SGMS2: variants seen among roughly 807,000 people sequenced by gnomAD.
SGMS2 encodes the protein sphingomyelin synthase 2.
In SGMS2, 21 loss-of-function variants were observed where a neutral mutation model predicts 43.8. The observed-to-expected ratio is 0.48, with a 90% CI of 0.34 to 0.69. The LOEUF is 0.69. SGMS2 is among the 30% of genes least tolerant of loss of function. The pLI is 0.01. For missense variants in SGMS2, 384 were observed against 443.2 expected, an observed-to-expected ratio of 0.87 and a Z score of 1.20; for synonymous variants, 167 against 160.6, an observed-to-expected ratio of 1.04 and a Z score of -0.30.
rs1298841769 is a variant in SGMS2, at chr4:107,908,657, A to G, written c.820A>G (p.Thr274Ala). 5.6e-6 allele frequency: 9 copies of G among 1,613,920 alleles called. No individual in the cohort carries two copies. Among genetic ancestry groups the G allele is most frequent in the Non-Finnish European group, 6.8e-6 (8 of 1,179,970 alleles). Residue 274 changes from threonine (T) to alanine (A), a missense_variant, in exon 6 of 7, where the codon ACT (threonine) becomes GCT (alanine). Coordinates refer to ENST00000690982, the MANE Select transcript of SGMS2 (RefSeq NM_001375905.1). ...ICILVAHEHY[T>A]IDVIIAYYIT... is the part of the protein sequence containing the mutation. ...CATTCTTGTAGCACACGAACACTACACTATCGATGTGATCATTGCTTATTA... is the reference window on the plus strand; with the variant it reads ...CATTCTTGTAGCACACGAACACTACGCTATCGATGTGATCATTGCTTATTA...
intron 2 of SGMS2, among the ~76,000 whole-genome samples, chr4:107,889,485 TGATTA>T (rs1424992543): frequency 6.6e-6 from 1 of 152,220 alleles, no homozygotes; most frequent in Non-Finnish European, 1.5e-5. Context: ...AAAAAGCATT[TGATTA>T]GTCTCTTATT....
rs979954249 is a variant in SGMS2, at chr4:107,913,938, T to A, written c.*3385T>A. On this transcript the variant is annotated 3_prime_UTR_variant, in exon 7 of 7. Coordinates refer to ENST00000690982, the MANE Select transcript of SGMS2 (RefSeq NM_001375905.1). ...TTTTTGTTTTGCACTGTAAAACTGATGAAAACTTTAAGCCAATCTTAATGC... is the reference window on the plus strand; with the variant it reads ...TTTTTGTTTTGCACTGTAAAACTGAAGAAAACTTTAAGCCAATCTTAATGC... 1.3e-5 allele frequency: 2 copies of A among 152,166 alleles called. No homozygotes were observed. The highest frequency in any genetic ancestry group is 4.8e-5 in the African/African-American group (2 of 41,464). 9.4% of individuals were successfully genotyped at this position (152,166 alleles called of 1,614,324 possible).
In SGMS2 at chr4:107,846,367, G is replaced by T. The variant is rs1336622409; in HGVS notation, c.-326-12105G>T. Reference sequence around the variant, plus strand: ...TATGAGTGAGAACATGTGGTATTTGGTTTTTTGTCCTTGCGATAGTTTACT... The same window carrying T: ...TATGAGTGAGAACATGTGGTATTTGTTTTTTTGTCCTTGCGATAGTTTACT... On this transcript the variant is annotated intron_variant, in intron 1 of 6. Transcript: ENST00000690982. 2.7e-5 allele frequency among the ~76,000 whole-genome samples: 4 copies of T among 147,230 alleles called. No homozygotes were observed. In the East Asian group the frequency reaches 8.1e-4, roughly 30 times the overall value.
At chr4:107,897,440 A>G (rs1277839292) in intron 3 of SGMS2, among the ~76,000 whole-genome samples, 2 of 152,232 alleles carry the variant, frequency 1.3e-5, no homozygotes, top group Non-Finnish European at 2.9e-5. Context: ...ACACAATGTA[A>G]GAGCCTGCTA....
intron 1 of SGMS2, among the ~76,000 whole-genome samples, chr4:107,833,958 G>A (rs1249673490): frequency 6.6e-6 from 1 of 152,342 alleles, no homozygotes; most frequent in East Asian, 1.9e-4. Flanking sequence ...GAATCTGGAG[G>A]AGGCAAGGGA....
intron 1 of SGMS2, among the ~76,000 whole-genome samples, chr4:107,844,095 G>A (rs1394627067): frequency 6.6e-6 from 1 of 152,036 alleles, no homozygotes; most frequent in Non-Finnish European, 1.5e-5. Flanking sequence ...GGCCAAGACA[G>A]GCAGATCATG....
chr4:107,878,989 T>G (rs1729133220), intron 2 of SGMS2, among the ~76,000 whole-genome samples: 1 of 152,162 alleles, frequency 6.6e-6, no homozygotes, highest in Non-Finnish European at 1.5e-5. Flanking sequence ...CTGCAGATCA[T>G]CCCTGCTTGT....
chr4:107,892,353 A>C (rs907414393), intron 2 of SGMS2, among the ~76,000 whole-genome samples: 1 of 151,756 alleles, frequency 6.6e-6, no homozygotes, highest in Non-Finnish European at 1.5e-5. Flanking sequence ...AAATTGTCCT[A>C]TTGGTTTAAG....
At chr4:107,845,262 A>AC (rs1162599702) in intron 1 of SGMS2, among the ~76,000 whole-genome samples, 1 of 152,178 alleles carries the variant, frequency 6.6e-6, no homozygotes, top group Non-Finnish European at 1.5e-5. Context: ...GGCTCTGAGA[A>AC]CAGTCTGGAT....
chr4:107,840,089 A>G (rs950955740), intron 1 of SGMS2, among the ~76,000 whole-genome samples: 4 of 152,224 alleles, frequency 2.6e-5, no homozygotes, highest in Admixed American at 6.5e-5. Context: ...GAAGTATTTC[A>G]TATATCCTGT....
chr4:107,879,975 TG>T (rs1729220306), intron 2 of SGMS2, among the ~76,000 whole-genome samples: 1 of 152,178 alleles, frequency 6.6e-6, no homozygotes, highest in Non-Finnish European at 1.5e-5. Context: ...CTAATTACTT[TG>T]TATCTGTTTG....
intron 3 of SGMS2, among the ~76,000 whole-genome samples, chr4:107,898,871 AT>A (rs1393742004): frequency 6.6e-6 from 1 of 152,060 alleles, no homozygotes; most frequent in Non-Finnish European, 1.5e-5. Flanking sequence ...GACTTGTGGG[AT>A]TTTTTTATCC....
intron 2 of SGMS2, among the ~76,000 whole-genome samples, chr4:107,885,161 C>A (rs1729649515): frequency 6.6e-6 from 1 of 152,098 alleles, no homozygotes; most frequent in Non-Finnish European, 1.5e-5. Flanking sequence ...TCTATAGATT[C>A]ATCTCCCTTT....
In SGMS2 at chr4:107,914,275, T is replaced by C. The variant is rs1305086860; in HGVS notation, c.*3722T>C. ...CCTTATAAGTTCTGATTTATTTTCTTACTCATTATGCTGTGTTCTAAATAA... is the reference window on the plus strand; with the variant it reads ...CCTTATAAGTTCTGATTTATTTTCTCACTCATTATGCTGTGTTCTAAATAA... On this transcript the variant is annotated 3_prime_UTR_variant, in exon 7 of 7. Coordinates refer to ENST00000690982, the MANE Select transcript of SGMS2 (RefSeq NM_001375905.1). 1 of 152,142 alleles carries C rather than the reference T, an allele frequency of 6.6e-6. No homozygotes were observed. Among genetic ancestry groups the C allele is most frequent in the Non-Finnish European group, 1.5e-5 (1 of 67,984 alleles). The allele number at this position is 152,142 out of a possible 1,614,324, so 9.4% of individuals were successfully genotyped here.
chr4:107,890,727 A>C (rs189948554), intron 2 of SGMS2, among the ~76,000 whole-genome samples: 83 of 152,096 alleles, frequency 5.5e-4, no homozygotes, highest in Non-Finnish European at 1.9e-4. Context: ...GAATAAAAAC[A>C]TGAAGGCCTT....
chr4:107,832,328 T>C (rs1052660926), intron 1 of SGMS2, among the ~76,000 whole-genome samples: 1 of 152,192 alleles, frequency 6.6e-6, no homozygotes, highest in Non-Finnish European at 1.5e-5. Context: ...CATTGGCAAG[T>C]TATAAGCAGC....
intron 2 of SGMS2, among the ~76,000 whole-genome samples, chr4:107,885,125 A>C (rs1214296286): frequency 6.6e-6 from 1 of 152,180 alleles, no homozygotes; most frequent in Non-Finnish European, 1.5e-5. Flanking sequence ...AAGTTAACCT[A>C]GATAATACTG....
chr4:107,904,663 T>C (rs1053988818), intron 5 of SGMS2, among the ~76,000 whole-genome samples: 3 of 152,158 alleles, frequency 2.0e-5, no homozygotes, highest in African/African-American at 7.2e-5. Context: ...TAAAAGCTTT[T>C]TCCTTATTTC....
intron 1 of SGMS2, among the ~76,000 whole-genome samples, chr4:107,850,648 TCCTATAGTA>T (rs1280187106): frequency 6.6e-6 from 1 of 152,156 alleles, no homozygotes; most frequent in Non-Finnish European, 1.5e-5. Context: ...CACTTTCCCT[TCCTATAGTA>T]CCTGAGGTGT....
Sources: allele counts gnomAD v4.1 joint callset (sites outside exome capture counted in the v4.1 genomes callset), GRCh38; gene constraint gnomAD v4.1.1; transcripts MANE v1.5; gene names NCBI Gene and HGNC (gene_info 2026-07-23, HGNC 2026-07-21).